The following SVIL variants were observed in gnomAD, a reference collection of about 807,000 sequenced individuals.
SVIL encodes the protein supervillin.
In SVIL, 101 loss-of-function variants were observed where a neutral mutation model predicts 240.4. That is an observed-to-expected ratio of 0.42 (90% CI 0.36 to 0.50). The LOEUF (loss-of-function observed/expected upper bound fraction) is 0.50, where lower values mean the gene tolerates loss of function less well. Ranked by LOEUF, SVIL falls within the 20% of genes least tolerant of loss-of-function variation. The pLI, the probability that SVIL is intolerant of heterozygous loss-of-function variation, is 0.01. For missense variants in SVIL, 2,512 were observed against 2,818.7 expected (o/e 0.89, Z 2.46); for synonymous variants, 999 against 1,100.0 (o/e 0.91, Z 1.82).
intron 1 of SVIL, among the ~76,000 whole-genome samples, chr10:29,711,660 T>G (rs1963295790): frequency 6.6e-6 from 1 of 151,518 alleles, no homozygotes; most frequent in African/African-American, 2.4e-5. Flanking sequence ...CTCAGGAGGC[T>G]GAGGCACAAA....
intron 1 of SVIL, among the ~76,000 whole-genome samples, chr10:29,729,454 T>G (rs1327504332): frequency 4.6e-4 from 6 of 13,036 alleles, no homozygotes; most frequent in African/African-American, 2.1e-3. Flanking sequence ...TATGGAGGTG[T>G]GTGTGTGTGT....
chr10:29,513,980 AG>A (rs1950033224), intron 16 of SVIL, among the ~76,000 whole-genome samples: 1 of 125,202 alleles, frequency 8.0e-6, no homozygotes, highest in Non-Finnish European at 1.7e-5. Context: ...GAAAGATAAA[AG>A]GTAAAAAAAA....
rs530770503 is a variant in SVIL at position 29,564,642 on chromosome 10, G to A, written c.-142-1350C>T. ...CCTCTACCCCCTGTAAAAACTACAG[G>A]GAAAGAACTTCCACACAGTCCAAAG... is the stretch of plus-strand genomic sequence containing the variant. On this transcript the variant is annotated intron_variant, in intron 2 of 37. Coordinates refer to ENST00000355867, the MANE Select transcript of SVIL (RefSeq NM_021738.3). Among the ~76,000 whole-genome samples the A allele has an allele frequency of 1.1e-4, 17 of 151,388 alleles. No individual in the cohort carries two copies. In the East Asian group the frequency reaches 3.3e-3, roughly 29 times the overall value.
intron 1 of SVIL, among the ~76,000 whole-genome samples, chr10:29,718,289 G>A (rs1334977199): frequency 1.3e-5 from 2 of 151,168 alleles, no homozygotes; most frequent in Non-Finnish European, 1.5e-5. Context: ...TCGCGCCACT[G>A]CACTCCAGCC....
chr10:29,694,184 T>C (rs1388788942), intron 1 of SVIL, among the ~76,000 whole-genome samples: 2 of 146,024 alleles, frequency 1.4e-5, no homozygotes, highest in Non-Finnish European at 3.0e-5. Flanking sequence ...TGCTTGAGGT[T>C]AGGAGTTTGA....
chr10:29,530,620 C>G lies in SVIL; in HGVS notation c.2093G>C (p.Arg698Thr). The G allele has an allele frequency of 6.2e-7, 1 of 1,614,138 alleles. No homozygotes were observed. Reference sequence around the variant, plus strand: ...AGCACAGCTTACCCTGAAAAGCAACCTCTTGGCGGCGACGCTCAGCTTGGC... The same window carrying G: ...AGCACAGCTTACCCTGAAAAGCAACGTCTTGGCGGCGACGCTCAGCTTGGC... ...ERAKLSVAAK[R>T]LLFREMEKSF... Residue 698 changes from arginine to threonine, a missense_variant, in exon 11 of 38, where the codon AGG becomes ACG. Arg to Thr is a moderately conservative substitution (Grantham distance 71, BLOSUM62 -1). Transcript: ENST00000355867.
intron 1 of SVIL, among the ~76,000 whole-genome samples, chr10:29,615,980 T>A (rs1478095824): frequency 6.6e-6 from 1 of 152,262 alleles, no homozygotes; most frequent in African/African-American, 2.4e-5. Flanking sequence ...CATGGCATGA[T>A]ACCCCATATC....
At chr10:29,621,180 T>C (rs1355336757) in intron 1 of SVIL, among the ~76,000 whole-genome samples, 1 of 152,124 alleles carries the variant, frequency 6.6e-6, no homozygotes, top group Non-Finnish European at 1.5e-5. Flanking sequence ...TTCTGAAAAA[T>C]CACTCAAATT....
intron 1 of SVIL, among the ~76,000 whole-genome samples, chr10:29,585,764 G>GAGAACTGA (rs1956141141): frequency 6.6e-6 from 1 of 152,236 alleles, no homozygotes; most frequent in Non-Finnish European, 1.5e-5. Flanking sequence ...GGAGGGAGGG[G>GAGAACTGA]AGAACTGAAG....
intron 26 of SVIL, 113 bp downstream of exon 26, chr10:29,485,972 A>T: frequency 1.6e-6 from 2 of 1,214,346 alleles, no homozygotes; most frequent in South Asian, 1.5e-5. Flanking sequence ...TCTACAATGG[A>T]TACCGACACT....
chr10:29,470,526 G>A (rs371016901), intron 31 of SVIL, 43 bp from the exon 32 acceptor site: 20 of 1,608,782 alleles, frequency 1.2e-5, no homozygotes, highest in Middle Eastern at 1.7e-4. Context: ...GCACGTGAGC[G>A]AGTGGCAGCA....
intron 1 of SVIL, among the ~76,000 whole-genome samples, chr10:29,689,283 CTTT>C (rs1159417441): frequency 6.6e-6 from 1 of 151,926 alleles, no homozygotes; most frequent in Non-Finnish European, 1.5e-5. Flanking sequence ...AGTCTCTTTT[CTTT>C]GTTTTCTTTT....
intron 1 of SVIL, among the ~76,000 whole-genome samples, chr10:29,606,395 C>T (rs1159295868): frequency 1.3e-5 from 2 of 152,140 alleles, no homozygotes; most frequent in African/African-American, 4.8e-5. Flanking sequence ...AGAGACAATG[C>T]TATAATAAAC....
rs1006648904 is a variant in SVIL, at chr10:29,508,548, C to T, written c.3516+4187G>A. On this transcript the variant is annotated intron_variant, in intron 17 of 37. Coordinates refer to ENST00000355867, the MANE Select transcript of SVIL (RefSeq NM_021738.3). ...ATGTGAACCTCAGGCCAACTCATTC[C>T]GTGACCGCAGAATGATCATCTGGAG... is the stretch of plus-strand genomic sequence containing the variant. The T allele has an allele frequency of 8.2e-5, 36 of 439,184 alleles. 3 individuals carry two copies. The highest frequency in any genetic ancestry group is 5.6e-4 in the South Asian group (31 of 55,028). The allele number at this position is 439,184 out of a possible 1,614,324, so 27.2% of individuals were successfully genotyped here. A position where few individuals can be genotyped will look rare whatever the true frequency, so the allele number is the denominator to read the frequency against.
intron 1 of SVIL, among the ~76,000 whole-genome samples, chr10:29,612,936 G>C (rs1222740858): frequency 6.6e-6 from 1 of 152,082 alleles, no homozygotes; most frequent in Non-Finnish European, 1.5e-5. Flanking sequence ...CCAGCGCTTT[G>C]GGAGGCTGAG....
intron 1 of SVIL, among the ~76,000 whole-genome samples, chr10:29,718,324 T>C (rs1179598579): frequency 5.0e-5 from 7 of 139,840 alleles, no homozygotes; most frequent in Admixed American, 4.9e-4. Context: ...AGACTCCGTC[T>C]CAAAAAAAAA....
At chr10:29,693,312 TG>T (rs1961659798) in intron 1 of SVIL, among the ~76,000 whole-genome samples, 1 of 61,170 alleles carries the variant, frequency 1.6e-5, no homozygotes, top group East Asian at 4.6e-4. Flanking sequence ...TATTTGGGGA[TG>T]GGGGGTGGGG....
chr10:29,530,577 T>G, intron 11 of SVIL, 30 bp downstream of exon 11: 2 of 1,613,600 alleles, frequency 1.2e-6, no homozygotes, highest in Non-Finnish European at 1.7e-6. Context: ...CCAGTAGGGA[T>G]CTCTATTCAA....
intron 7 of SVIL, among the ~76,000 whole-genome samples, chr10:29,534,129 G>A (rs1241245007): frequency 6.6e-6 from 1 of 152,194 alleles, no homozygotes; most frequent in Non-Finnish European, 1.5e-5. Context: ...AGAAAAGATA[G>A]TTGCTGACAG....
Sources: allele counts gnomAD v4.1 joint callset (sites outside exome capture counted in the v4.1 genomes callset), GRCh38; gene constraint gnomAD v4.1.1; transcripts MANE v1.5; gene names NCBI Gene and HGNC (gene_info 2026-07-23, HGNC 2026-07-21).